Variants in TRPA1 observed in about 807,000 individuals in gnomAD.
The protein encoded by TRPA1 is ankyrin-like with transmembrane domains 1.
In TRPA1, 129 loss-of-function variants were observed where a neutral mutation model predicts 131.3. The ratio of observed to expected loss-of-function variants is 0.98; its 90% CI spans 0.85 to 1.14. The LOEUF is 1.14. Among genes scored for constraint, TRPA1 ranks in the 50% most tolerant of loss-of-function variants. The pLI, the probability that TRPA1 is intolerant of heterozygous loss-of-function variation, is 0.00. For synonymous variants in TRPA1, 441 were observed against 451.7 expected (o/e 0.98, Z 0.30); for missense variants, 1,304 against 1,354.2 (o/e 0.96, Z 0.58).
intron 4 of TRPA1, 99 bp from the exon 5 acceptor site, chr8:72,063,670 T>C: frequency 1.3e-6 from 1 of 770,310 alleles, no homozygotes. Flanking sequence ...TTTACTATTA[T>C]ATGTCTATGT....
rs1811934341 is a variant in TRPA1, at chr8:72,033,964, T to C, written c.2686-138A>G. ...GCATATAGCTGTTGAAATGCAGTGATAAAATATAGTAAACATGGTAAAGTC... is the reference window on the plus strand; with the variant it reads ...GCATATAGCTGTTGAAATGCAGTGACAAAATATAGTAAACATGGTAAAGTC... On this transcript the variant is annotated intron_variant, in intron 22 of 26. Coordinates refer to ENST00000262209, the MANE Select transcript of TRPA1 (RefSeq NM_007332.3). 4.8e-6 allele frequency: 4 copies of C among 839,388 alleles called. No individual in the cohort carries two copies. The Middle Eastern group carries it at 6.6e-4, about 139-fold the overall frequency. 52.0% of individuals were successfully genotyped at this position (839,388 alleles called of 1,614,324 possible).
intron 1 of TRPA1, among the ~76,000 whole-genome samples, chr8:72,073,647 G>A (rs751531006): frequency 2.2e-4 from 34 of 152,242 alleles, no homozygotes; most frequent in Admixed American, 8.5e-4. Context: ...GTTGCTCTAC[G>A]TAGATGATAA....
rs770004067 is a variant in TRPA1 at position 72,061,652 on chromosome 8, T to A, written c.917A>T (p.Asp306Val). 1 of 1,614,026 alleles carries A rather than the reference T, an allele frequency of 6.2e-7. No homozygotes were observed. The highest frequency in any genetic ancestry group is 8.5e-7 in the Non-Finnish European group (1 of 1,179,948). ...GTGAAGCATGGTCTCATGACATCCATCGGTTGTGTTAACAATATCCACGCT... is the reference window on the plus strand; with the variant it reads ...GTGAAGCATGGTCTCATGACATCCAACGGTTGTGTTAACAATATCCACGCT... ...SGSVDIVNTT[D>V]GCHETMLHRA... Residue 306 changes from aspartate to valine, a missense_variant, in exon 7 of 27, where the codon GAT becomes GTT. Asp to Val is a radical substitution (Grantham distance 152). Transcript: ENST00000262209.
intron 3 of TRPA1, among the ~76,000 whole-genome samples, chr8:72,067,168 G>A (rs1037112291): frequency 6.6e-6 from 1 of 152,172 alleles, no homozygotes; most frequent in East Asian, 1.9e-4. Context: ...GGTCAGTGGA[G>A]CAGTCAATGG....
rs754637319 is a variant in TRPA1, at chr8:72,063,451, G to C, written c.661+12C>G. Reference sequence around the variant, plus strand: ...TATTTATAGTATATAACATAGAAAAGCCTCAACTCACCAAACCTTAGTATT... The same window carrying C: ...TATTTATAGTATATAACATAGAAAACCCTCAACTCACCAAACCTTAGTATT... On this transcript the variant is annotated intron_variant, in intron 5 of 26. Transcript: ENST00000262209. 1.1e-5 allele frequency: 17 copies of C among 1,569,102 alleles called. No homozygotes were observed. The highest frequency in any genetic ancestry group is 1.5e-5 in the Non-Finnish European group (17 of 1,139,684).
At chr8:72,046,631 TA>T in intron 16 of TRPA1, 23 bp from the exon 17 acceptor site, 5 of 1,298,202 alleles carry the variant, frequency 3.9e-6, no homozygotes, top group South Asian at 2.5e-5. Context: ...GAATTTTTTT[TA>T]AAAAAATGTA....
upstream of TRPA1, among the ~76,000 whole-genome samples, chr8:72,079,342 A>C (rs1382153413): frequency 6.6e-6 from 1 of 151,978 alleles, no homozygotes; most frequent in Non-Finnish European, 1.5e-5. Context: ...TTCTTCTAGA[A>C]GTGTCAGCTC....
At chr8:72,035,897 G>T (rs1812021731) in intron 21 of TRPA1, among the ~76,000 whole-genome samples, 1 of 150,120 alleles carries the variant, frequency 6.7e-6, no homozygotes, top group South Asian at 2.1e-4. Context: ...ATTCATTTTT[G>T]GTTGTCATAA....
chr8:72,088,247 A>C, the TRPA1 span, among the ~76,000 whole-genome samples: 2 of 152,152 alleles, frequency 1.3e-5, no homozygotes, highest in African/African-American at 2.4e-5. Context: ...GCTTCAGTTT[A>C]ACAACTTTGT....
intron 21 of TRPA1, 134 bp from the exon 22 acceptor site, chr8:72,034,511 A>G: frequency 1.9e-6 from 1 of 529,790 alleles, no homozygotes; most frequent in Middle Eastern, 5.3e-4. Flanking sequence ...TATTTTGAAA[A>G]AGAAAACATA....
At chr8:72,078,991 T>C (rs1210381633), upstream of TRPA1, among the ~76,000 whole-genome samples, 2 of 152,016 alleles carry the variant, frequency 1.3e-5, no homozygotes, top group African/African-American at 4.8e-5. Flanking sequence ...AGTATTTCCC[T>C]AATGGCTAAT....
In TRPA1 at chr8:72,039,890, T is replaced by G. The variant is rs1416594751; in HGVS notation, c.2062-93A>C. 3.4e-6 allele frequency: 3 copies of G among 881,602 alleles called. No individual in the cohort carries two copies. In the East Asian group the frequency reaches 7.3e-5, roughly 21 times the overall value. The allele number at this position is 881,602 out of a possible 1,614,324, so 54.6% of individuals were successfully genotyped here. A position where few individuals can be genotyped will look rare whatever the true frequency, so the allele number is the denominator to read the frequency against. On this transcript the variant is annotated intron_variant, in intron 17 of 26. Coordinates refer to ENST00000262209, the MANE Select transcript of TRPA1 (RefSeq NM_007332.3). The stretch of plus-strand genomic sequence containing the variant: ...TTATTGTCTGGTTTTATAACTGTGT[T>G]TGGTATTGTAAAAGTAACACCTATT...
the TRPA1 span, among the ~76,000 whole-genome samples, chr8:72,081,623 C>G: frequency 1.3e-5 from 2 of 151,736 alleles, no homozygotes; most frequent in African/African-American, 4.8e-5. Flanking sequence ...GTTAAATTGT[C>G]TATTTCTTCT....
the TRPA1 span, among the ~76,000 whole-genome samples, chr8:72,081,235 T>C: frequency 6.6e-6 from 1 of 151,894 alleles, no homozygotes. Flanking sequence ...AGTTCTGGTT[T>C]CTTCTTTGGC....
intron 6 of TRPA1, among the ~76,000 whole-genome samples, chr8:72,062,568 A>G (rs1390417738): frequency 1.3e-5 from 2 of 152,110 alleles, no homozygotes; most frequent in Non-Finnish European, 2.9e-5. Context: ...CTAGATATAT[A>G]GTCTTTGTTG....
chr8:72,027,734 C>T (rs1274629984), intron 24 of TRPA1, among the ~76,000 whole-genome samples: 1 of 152,252 alleles, frequency 6.6e-6, no homozygotes, highest in Non-Finnish European at 1.5e-5. Context: ...GCCATGGGCT[C>T]AGACATAGGT....
rs771284156 is a variant in TRPA1, at chr8:72,065,469, G to A, written c.534C>T (p.Ser178=). 3.2e-5 allele frequency: 52 copies of A among 1,613,060 alleles called. No homozygotes were observed. Among genetic ancestry groups the A allele is most frequent in the South Asian group, 1.2e-4 (11 of 91,056 alleles). The change falls in exon 4 of 27, where the codon AGC becomes AGT. Residue 178 remains serine, a synonymous_variant. Transcript: ENST00000262209. The part of the protein sequence containing the change: ...AVIIACTTNN[S]EALQILLKKG... ...TACAAACCAAAATCTGCAATGCTTC[G>A]CTATTATTTGTGGTGCACGCAATGA...
chr8:72,065,851 C>T (rs191761400), intron 3 of TRPA1, among the ~76,000 whole-genome samples: 11 of 152,188 alleles, frequency 7.2e-5, no homozygotes, highest in Admixed American at 7.2e-4. Flanking sequence ...TCACTTAATA[C>T]TTCTGACTTG....
At chr8:72,060,123 G>A (rs1271933160) in intron 7 of TRPA1, among the ~76,000 whole-genome samples, 3 of 151,532 alleles carry the variant, frequency 2.0e-5, no homozygotes, top group Non-Finnish European at 4.4e-5. Flanking sequence ...ACAAGAGGTT[G>A]CATTATATTT....
Sources: gnomAD v4.1 joint callset for allele counts (sites outside exome capture counted in the v4.1 genomes callset) on GRCh38, gnomAD v4.1.1 for gene constraint, MANE v1.5 for transcripts, NCBI Gene and HGNC (gene_info 2026-07-23, HGNC 2026-07-21) for gene names.